IMPG2: variants seen among roughly 807,000 people sequenced by gnomAD.
The protein encoded by IMPG2 is IPM 200.
IMPG2 carries 91 observed loss-of-function variants against 129.2 expected under a neutral mutation model. The ratio of observed to expected loss-of-function variants is 0.70; its 90% CI spans 0.59 to 0.84. The LOEUF (loss-of-function observed/expected upper bound fraction) is 0.84, where lower values mean the gene tolerates loss of function less well. Among genes scored for constraint, IMPG2 ranks in the 40% least tolerant of loss-of-function variants. The pLI, the probability that IMPG2 is intolerant of heterozygous loss-of-function variation, is 0.00. For synonymous variants in IMPG2, 510 were observed against 517.7 expected, an observed-to-expected ratio of 0.99 and a Z score of 0.20; for missense variants, 1,430 against 1,461.7, an observed-to-expected ratio of 0.98 and a Z score of 0.35.
At position 101,231,258 on chromosome 3, in the gene IMPG2, G is replaced by A. The variant is rs536956661; in HGVS notation, c.3234-113C>T. On this transcript the variant is annotated intron_variant, in intron 15 of 18. Coordinates refer to ENST00000193391, the MANE Select transcript of IMPG2 (RefSeq NM_016247.4). The stretch of plus-strand genomic sequence containing the variant: ...AAGTAGAGAAATAAATGCTGACCAC[G>A]TGAAGCTTCATAAAGAGTTGAATAG... The A allele has an allele frequency of 4.6e-5, 46 of 993,316 alleles. 1 individual carries two copies. Among genetic ancestry groups the A allele is most frequent in the Non-Finnish European group, 6.3e-5 (39 of 622,112 alleles). The allele number at this position is 993,316 out of a possible 1,614,324, so 61.5% of individuals were successfully genotyped here. A position where few individuals can be genotyped will look rare whatever the true frequency, so the allele number is the denominator to read the frequency against.
intron 6 of IMPG2, among the ~76,000 whole-genome samples, chr3:101,274,154 A>T (rs1706818138): frequency 6.6e-6 from 1 of 152,126 alleles, no homozygotes; most frequent in African/African-American, 2.4e-5. Flanking sequence ...GATCCACTGC[A>T]CTCCAGCCTG....
intron 10 of IMPG2, among the ~76,000 whole-genome samples, chr3:101,254,490 C>T (rs565450631): frequency 5.6e-4 from 85 of 151,974 alleles, no homozygotes; most frequent in Non-Finnish European, 8.8e-4. Flanking sequence ...ATTTTGCCCA[C>T]GGGGGAGAGG....
At chr3:101,249,399 T>A (rs1325282670) in intron 11 of IMPG2, among the ~76,000 whole-genome samples, 1 of 151,906 alleles carries the variant, frequency 6.6e-6, no homozygotes, top group Non-Finnish European at 1.5e-5. Flanking sequence ...GCCCAGCAAA[T>A]AAGGAATGAG....
chr3:101,229,293 C>T (rs1421231626), intron 17 of IMPG2, 87 bp downstream of exon 17: 1 of 1,051,506 alleles, frequency 9.5e-7, no homozygotes, highest in Non-Finnish European at 1.5e-6. Flanking sequence ...CACATACACT[C>T]ATACACACCC....
At chr3:101,249,913 T>C (rs983452185) in intron 11 of IMPG2, among the ~76,000 whole-genome samples, 11 of 149,852 alleles carry the variant, frequency 7.3e-5, no homozygotes, top group African/African-American at 2.5e-4. Flanking sequence ...AAACATAAAA[T>C]AAAAAAAAAT....
rs998787971 is a variant in IMPG2 at position 101,246,221 on chromosome 3, T to C, written c.1240-116A>G. On this transcript the variant is annotated intron_variant, in intron 11 of 18. Transcript: ENST00000193391. Reference sequence around the variant, plus strand: ...ATCTTCTAGGGACAAGGAGGCGGTGTATTAATAATATTAGGAGTAGGAGGA... The same window carrying C: ...ATCTTCTAGGGACAAGGAGGCGGTGCATTAATAATATTAGGAGTAGGAGGA... 8.9e-6 allele frequency: 8 copies of C among 896,350 alleles called. No homozygotes were observed. In the African/African-American group the frequency reaches 1.3e-4, roughly 15 times the overall value. The allele number at this position is 896,350 out of a possible 1,614,324, so 55.5% of individuals were successfully genotyped here.
chr3:101,234,323 G>A (rs1357807757), intron 14 of IMPG2, among the ~76,000 whole-genome samples: 1 of 151,792 alleles, frequency 6.6e-6, no homozygotes, highest in East Asian at 1.9e-4. Flanking sequence ...GGATGCCAAG[G>A]GATTGCTGGT....
intron 11 of IMPG2, among the ~76,000 whole-genome samples, chr3:101,248,263 G>A (rs1706504481): frequency 6.6e-6 from 1 of 152,140 alleles, no homozygotes; most frequent in African/African-American, 2.4e-5. Context: ...AGTCTCATGA[G>A]ATATGATGGT....
chr3:101,256,186 AAAG>A (rs1706603033), intron 10 of IMPG2, among the ~76,000 whole-genome samples: 1 of 150,404 alleles, frequency 6.6e-6, no homozygotes, highest in Admixed American at 6.6e-5. Flanking sequence ...AGAAAGAAAG[AAAG>A]AAAGAAAGAA....
intron 3 of IMPG2, among the ~76,000 whole-genome samples, chr3:101,295,476 T>C (rs1426182733): frequency 6.6e-6 from 1 of 152,248 alleles, no homozygotes; most frequent in Non-Finnish European, 1.5e-5. Context: ...TTTTGGTTAC[T>C]GTAGCCTTGT....
intron 11 of IMPG2, among the ~76,000 whole-genome samples, chr3:101,248,215 G>A (rs933740526): frequency 3.9e-5 from 6 of 152,104 alleles, no homozygotes; most frequent in Non-Finnish European, 2.9e-5. Flanking sequence ...GAATCATGGG[G>A]GCAGGTCTTT....
chr3:101,225,922 T>C lies in IMPG2; in HGVS notation c.*1047A>G, dbSNP rs1706216793. Reference sequence around the variant, plus strand: ...TTTAATTGTAATAAAAGCTTTGCCCTGTTTTGTATAAGCAGGAGTTAATTT... The same window carrying C: ...TTTAATTGTAATAAAAGCTTTGCCCCGTTTTGTATAAGCAGGAGTTAATTT... On this transcript the variant is annotated 3_prime_UTR_variant, in exon 19 of 19. Transcript: ENST00000193391. 1 of 154,090 alleles carries C rather than the reference T, an allele frequency of 6.5e-6. No homozygotes were observed. The highest frequency in any genetic ancestry group is 1.5e-5 in the Non-Finnish European group (1 of 68,194). 9.5% of individuals were successfully genotyped at this position (154,090 alleles called of 1,614,324 possible).
At chr3:101,316,832 C>T (rs916446907) in intron 2 of IMPG2, among the ~76,000 whole-genome samples, 6 of 152,004 alleles carry the variant, frequency 3.9e-5, no homozygotes, top group Non-Finnish European at 2.9e-5. Flanking sequence ...CTAAAAACAA[C>T]CCAAATATCC....
rs190258802 is a variant in IMPG2 at position 101,226,741 on chromosome 3, A to G, written c.*228T>C. 56 of 523,436 alleles carry G rather than the reference A, an allele frequency of 1.1e-4. 1 individual carries two copies. The highest frequency in any genetic ancestry group is 8.9e-4 in the African/African-American group (46 of 51,860). 32.4% of individuals were successfully genotyped at this position (523,436 alleles called of 1,614,324 possible). On this transcript the variant is annotated 3_prime_UTR_variant, in exon 19 of 19. Coordinates refer to ENST00000193391, the MANE Select transcript of IMPG2 (RefSeq NM_016247.4). ...CTTTCCAGAGTTTACGTAGTTTTCA[A>G]TTTATTTAAACACAGCATTCAGTCT...
chr3:101,255,199 T>G lies in IMPG2; in HGVS notation c.1154-1418A>C, dbSNP rs868703491. Reference sequence around the variant, plus strand: ...ATATCTTTTGAGATAGTGATCAAGTTACGTAGAAAGCTGCCGCCATTCAGA... The same window carrying G: ...ATATCTTTTGAGATAGTGATCAAGTGACGTAGAAAGCTGCCGCCATTCAGA... On this transcript the variant is annotated intron_variant, in intron 10 of 18. Coordinates refer to ENST00000193391, the MANE Select transcript of IMPG2 (RefSeq NM_016247.4). Among the ~76,000 whole-genome samples the G allele has an allele frequency of 2.6e-5, 4 of 152,080 alleles. No individual in the cohort carries two copies. In the South Asian group the frequency reaches 8.3e-4, roughly 32 times the overall value.
chr3:101,232,320 C>A (rs1199845070), intron 15 of IMPG2, among the ~76,000 whole-genome samples: 1 of 152,098 alleles, frequency 6.6e-6, no homozygotes, highest in South Asian at 2.1e-4. Flanking sequence ...TCACTGCAAC[C>A]TCTGCCTCCC....
At chr3:101,284,381 G>T (rs1171700375) in intron 4 of IMPG2, among the ~76,000 whole-genome samples, 1 of 152,128 alleles carries the variant, frequency 6.6e-6, no homozygotes, top group Non-Finnish European at 1.5e-5. Flanking sequence ...GAGGCAAAAA[G>T]AAAAAGTCTC....
At chr3:101,289,841 A>G (rs1706986016) in intron 4 of IMPG2, among the ~76,000 whole-genome samples, 1 of 151,640 alleles carries the variant, frequency 6.6e-6, no homozygotes, top group East Asian at 1.9e-4. Flanking sequence ...ATGAATTAGT[A>G]TAGGGACTGT....
chr3:101,278,043 T>C (rs1314265131), intron 4 of IMPG2, among the ~76,000 whole-genome samples: 4 of 152,204 alleles, frequency 2.6e-5, no homozygotes, highest in Admixed American at 6.5e-5. Context: ...GAGACCAGCC[T>C]GGCCAACATG....
Sources: gnomAD v4.1 joint callset for allele counts (sites outside exome capture counted in the v4.1 genomes callset) on GRCh38, gnomAD v4.1.1 for gene constraint, MANE v1.5 for transcripts, NCBI Gene and HGNC (gene_info 2026-07-23, HGNC 2026-07-21) for gene names.